The following CCDC122 variants were observed in gnomAD, a reference collection of about 807,000 sequenced individuals.
CCDC122 encodes coiled-coil domain-containing protein 122.
Under a neutral mutation model 37.0 loss-of-function variants are expected in CCDC122, and 38 were observed. The ratio of observed to expected loss-of-function variants is 1.03; its 90% confidence interval spans 0.79 to 1.35. CCDC122 has a LOEUF of 1.35. CCDC122 is among the 40% of genes most tolerant of loss of function. CCDC122 has a pLI of 0.00. For synonymous variants in CCDC122, 83 were observed against 95.6 expected (o/e 0.87, Z 0.77); for missense variants, 305 against 310.0 (o/e 0.98, Z 0.12).
chr13:43,870,762 G>A (rs1259455058), intron 2 of CCDC122, among the ~76,000 whole-genome samples: 1 of 152,060 alleles, frequency 6.6e-6, no homozygotes, highest in Non-Finnish European at 1.5e-5. Flanking sequence ...TACCCAAAGA[G>A]AGCCATTCAA....
At chr13:43,879,260 A>G (rs1427963146) in intron 1 of CCDC122, 1 of 151,830 alleles carries the variant, frequency 6.6e-6, no homozygotes, top group African/African-American at 2.4e-5. Context: ...CCGGGCCCCT[A>G]GTTCCCCGCC....
At chr13:43,859,163 G>A (rs1954024930) in intron 5 of CCDC122, among the ~76,000 whole-genome samples, 3 of 152,124 alleles carry the variant, frequency 2.0e-5, no homozygotes, top group Admixed American at 6.5e-5. Flanking sequence ...GAACAACAGT[G>A]TAAAAGACAC....
intron 3 of CCDC122, among the ~76,000 whole-genome samples, chr13:43,826,314 A>G (rs1028315031): frequency 2.0e-5 from 3 of 152,200 alleles, no homozygotes; most frequent in African/African-American, 7.2e-5. Context: ...TTACTTACCT[A>G]AATTGTGATG....
In CCDC122 at chr13:43,837,432, A is replaced by G. The variant is rs1389834084; in HGVS notation, c.673-3T>C. 1 of 1,609,408 alleles carries G rather than the reference A, an allele frequency of 6.2e-7. No individual in the cohort carries two copies. The highest frequency in any genetic ancestry group is 1.1e-5 in the South Asian group (1 of 89,876). ...GCATCATACCTCTTATGTTGTACCTATCAAAAGAAGAGCACACATCAACAG... is the reference window on the plus strand; with the variant it reads ...GCATCATACCTCTTATGTTGTACCTGTCAAAAGAAGAGCACACATCAACAG... On this transcript the variant is annotated splice_region_variant and splice_polypyrimidine_tract_variant and intron_variant, in intron 6 of 6. Coordinates refer to ENST00000444614, the MANE Select transcript of CCDC122 (RefSeq NM_144974.5).
intron 1 of CCDC122, among the ~76,000 whole-genome samples, chr13:43,877,295 T>C (rs925332621): frequency 4.5e-4 from 68 of 152,214 alleles, no homozygotes; most frequent in Non-Finnish European, 4.3e-4. Context: ...GTCTTGGATC[T>C]TCTCAATAGA....
At chr13:43,853,699 C>T (rs746225291) in intron 6 of CCDC122, among the ~76,000 whole-genome samples, 1 of 152,188 alleles carries the variant, frequency 6.6e-6, no homozygotes, top group Middle Eastern at 3.2e-3. Context: ...TTATTCTCAT[C>T]GCCACATGGC....
At chr13:43,865,132 C>T (rs1333587913) in intron 4 of CCDC122, among the ~76,000 whole-genome samples, 1 of 152,044 alleles carries the variant, frequency 6.6e-6, no homozygotes, top group African/African-American at 2.4e-5. Context: ...TGAGTTGTGT[C>T]CTTTATAATA....
intron 3 of CCDC122, among the ~76,000 whole-genome samples, chr13:43,828,378 G>A (rs1953058869): frequency 6.6e-6 from 1 of 152,184 alleles, no homozygotes; most frequent in African/African-American, 2.4e-5. Context: ...GAATATCCAT[G>A]AGAACTTATA....
intron 4 of CCDC122, among the ~76,000 whole-genome samples, chr13:43,867,115 T>G (rs1480719577): frequency 6.6e-6 from 1 of 152,138 alleles, no homozygotes. Context: ...TCCAGTTAGC[T>G]GAGAGTTATC....
At chr13:43,842,881 T>C (rs1953402098) in intron 6 of CCDC122, among the ~76,000 whole-genome samples, 1 of 152,066 alleles carries the variant, frequency 6.6e-6, no homozygotes, top group South Asian at 2.1e-4. Flanking sequence ...TTTTATCCTA[T>C]GAGCTTTCTA....
chr13:43,869,514 C>T (rs1954381899), intron 2 of CCDC122, 25 bp from the exon 3 acceptor site: 3 of 620,560 alleles, frequency 4.8e-6, no homozygotes, highest in South Asian at 2.2e-5. Context: ...AATTGTCAAA[C>T]ATGTCACAGG....
intron 4 of CCDC122, among the ~76,000 whole-genome samples, chr13:43,860,781 C>A (rs1322914733): frequency 1.3e-5 from 2 of 152,152 alleles, no homozygotes; most frequent in Admixed American, 6.5e-5. Flanking sequence ...AAATTTACAT[C>A]TTCAGCTACA....
Position 43,874,835 on chromosome 13 carries a change from T to C in CCDC122, c.-114+7A>G, listed in dbSNP as rs934093856. The C allele has an allele frequency of 6.6e-6, 1 of 152,298 alleles. No individual in the cohort carries two copies. The highest frequency in any genetic ancestry group is 2.4e-5 in the African/African-American group (1 of 41,456). The allele number at this position is 152,298 out of a possible 1,614,324, so 9.4% of individuals were successfully genotyped here. ...ATTAATTGAATAATTAAAAATAAACTGTATACCTATTATACACCAGTACCG... is the reference window on the plus strand; with the variant it reads ...ATTAATTGAATAATTAAAAATAAACCGTATACCTATTATACACCAGTACCG... On this transcript the variant is annotated splice_region_variant and intron_variant, in intron 2 of 6. Transcript: ENST00000444614.
chr13:43,869,732 G>A (rs1038747448), intron 2 of CCDC122, among the ~76,000 whole-genome samples: 12 of 151,894 alleles, frequency 7.9e-5, no homozygotes, highest in African/African-American at 2.9e-4. Flanking sequence ...AATATATGTA[G>A]CATGCATAGA....
chr13:43,859,526 T>C, intron 5 of CCDC122, 146 bp downstream of exon 5: 1 of 592,906 alleles, frequency 1.7e-6, no homozygotes. Flanking sequence ...TTATTCCAAG[T>C]TTTTTTCAAT....
chr13:43,846,831 T>A (rs1309255810), intron 6 of CCDC122, among the ~76,000 whole-genome samples: 1 of 152,048 alleles, frequency 6.6e-6, no homozygotes, highest in Non-Finnish European at 1.5e-5. Context: ...TAAGGAAAAA[T>A]TCAACATTTA....
chr13:43,841,578 T>TA (rs986282502), intron 6 of CCDC122, among the ~76,000 whole-genome samples: 2 of 152,224 alleles, frequency 1.3e-5, no homozygotes, highest in Non-Finnish European at 2.9e-5. Flanking sequence ...AGCCCATTTT[T>TA]AAAAAAATGA....
intron 3 of CCDC122, among the ~76,000 whole-genome samples, chr13:43,827,675 A>G (rs1332210659): frequency 6.6e-6 from 1 of 152,184 alleles, no homozygotes; most frequent in Non-Finnish European, 1.5e-5. Context: ...TGGACGGTTG[A>G]CTTTTGCTAT....
chr13:43,840,475 C>T (rs935205266), intron 6 of CCDC122, among the ~76,000 whole-genome samples: 2 of 151,968 alleles, frequency 1.3e-5, no homozygotes, highest in Non-Finnish European at 2.9e-5. Flanking sequence ...GTTTGCTGCA[C>T]CCATTAACTC....
Sources: allele counts gnomAD v4.1 joint callset (sites outside exome capture counted in the v4.1 genomes callset), GRCh38; gene constraint gnomAD v4.1.1; transcripts MANE v1.5; gene names NCBI Gene and HGNC (gene_info 2026-07-23, HGNC 2026-07-21).